The following ARFGEF1 variants were observed in gnomAD, a reference collection of about 807,000 sequenced individuals.
ARFGEF1 encodes the protein ARF guanine nucleotide exchange factor 1.
Under a neutral mutation model 231.0 loss-of-function variants are expected in ARFGEF1, and 42 were observed. The ratio of observed to expected loss-of-function variants is 0.18; its 90% confidence interval spans 0.14 to 0.24. ARFGEF1 has a LOEUF of 0.24. Ranked by LOEUF, ARFGEF1 falls within the 10% of genes least tolerant of loss-of-function variation. The pLI is 1.00. For synonymous variants in ARFGEF1, 710 were observed against 732.3 expected (o/e 0.97, Z 0.49); for missense variants, 1,345 against 2,192.0 (o/e 0.61, Z 7.72).
intron 33 of ARFGEF1, among the ~76,000 whole-genome samples, chr8:67,212,149 C>A (rs1838773509): frequency 6.6e-6 from 1 of 152,200 alleles, no homozygotes; most frequent in Non-Finnish European, 1.5e-5. Context: ...ATGGCGCGAT[C>A]TCGGCTCACC....
At chr8:67,207,411 A>G (rs1472848238) in intron 34 of ARFGEF1, among the ~76,000 whole-genome samples, 1 of 152,202 alleles carries the variant, frequency 6.6e-6, no homozygotes, top group Non-Finnish European at 1.5e-5. Context: ...CAGGGATGCC[A>G]AGCCTCTTCA....
chr8:67,228,095 A>G lies in ARFGEF1; in HGVS notation c.3459T>C (p.Asp1153=). Residue 1153 remains aspartate, a synonymous_variant, in exon 25 of 39, where the codon GAT becomes GAC. Coordinates refer to ENST00000262215, the MANE Select transcript of ARFGEF1 (RefSeq NM_006421.5). The part of the protein sequence containing the change: ...FVRWLCAVSM[D]ELLSTTHPRM... ...TTGGGTGTGTCGTGGAAAGTAATTC[A>G]TCCATAGACACAGCACAGAGCCAAC... 2 of 1,609,498 alleles carry G rather than the reference A, an allele frequency of 1.2e-6. No individual in the cohort carries two copies. Among genetic ancestry groups the G allele is most frequent in the Non-Finnish European group, 1.7e-6 (2 of 1,178,580 alleles).
At position 67,308,980 on chromosome 8, in the gene ARFGEF1, G is replaced by A. The variant is rs569497673; in HGVS notation, c.125-6514C>T. Among the ~76,000 whole-genome samples, 140 of 152,142 alleles carry A rather than the reference G, an allele frequency of 9.2e-4. 3 individuals are homozygous for A. The highest frequency in any genetic ancestry group is 8.9e-3 in the South Asian group (43 of 4,816). On this transcript the variant is annotated intron_variant, in intron 1 of 38. Transcript: ENST00000262215. ...TATTATTTATTACAGTCACAGTAGC[G>A]AAGATATGGAGGCAACCTAGGTGTC...
chr8:67,237,188 G>C (rs906100332), intron 22 of ARFGEF1, among the ~76,000 whole-genome samples: 2 of 152,180 alleles, frequency 1.3e-5, no homozygotes, highest in African/African-American at 4.8e-5. Context: ...AGTAATTACA[G>C]TTCTAATGTA....
downstream of ARFGEF1, chr8:67,195,736 G>GTATAT: frequency 1.6e-6 from 1 of 628,388 alleles, no homozygotes; most frequent in Non-Finnish European, 2.8e-6. Context: ...TTATCATGAT[G>GTATAT]TATATTATGT....
At chr8:67,302,388 TG>T in intron 2 of ARFGEF1, 47 bp downstream of exon 2, 1 of 1,490,340 alleles carries the variant, frequency 6.7e-7, no homozygotes, top group Non-Finnish European at 9.1e-7. Flanking sequence ...TGACCAAGAC[TG>T]ACAAGTTTGA....
rs1000891366 is a variant in ARFGEF1, at chr8:67,271,137, G to A, written c.1572+565C>T. Among the ~76,000 whole-genome samples, 4 of 148,006 alleles carry A rather than the reference G, an allele frequency of 2.7e-5. No homozygotes were observed. The South Asian group carries it at 6.4e-4, about 24-fold the overall frequency. ...CCTAATTTAGTTCTACTAAATCTCT[G>A]ACAATATTTTAGGACCACATGATTG... On this transcript the variant is annotated intron_variant, in intron 10 of 38. Transcript: ENST00000262215.
chr8:67,209,206 A>G (rs1444892158), intron 34 of ARFGEF1, among the ~76,000 whole-genome samples: 1 of 152,286 alleles, frequency 6.6e-6, no homozygotes. Flanking sequence ...ATCATCAGAC[A>G]AATGGATAAA....
At chr8:67,273,689 T>C (rs1317443952) in intron 9 of ARFGEF1, among the ~76,000 whole-genome samples, 3 of 152,094 alleles carry the variant, frequency 2.0e-5, no homozygotes, top group Admixed American at 6.6e-5. Context: ...AAGATGGCCA[T>C]TGTGCTGAGT....
At chr8:67,338,598 T>C (rs1808455214) in intron 1 of ARFGEF1, among the ~76,000 whole-genome samples, 2 of 152,204 alleles carry the variant, frequency 1.3e-5, no homozygotes, top group African/African-American at 4.8e-5. Flanking sequence ...TCAAAGAGCT[T>C]CTCTAAGAAC....
intron 18 of ARFGEF1, among the ~76,000 whole-genome samples, chr8:67,252,009 C>T (rs535713998): frequency 2.8e-4 from 43 of 152,236 alleles, no homozygotes; most frequent in African/African-American, 1.0e-3. Context: ...GTGGCTCATG[C>T]CTGTAATCCC....
At chr8:67,259,279 T>G (rs189341146) in intron 15 of ARFGEF1, among the ~76,000 whole-genome samples, 1 of 152,318 alleles carries the variant, frequency 6.6e-6, no homozygotes, top group Non-Finnish European at 1.5e-5. Context: ...CACGCTGGAG[T>G]GCAGTGGTGC....
At chr8:67,316,634 A>AT (rs1443596772) in intron 1 of ARFGEF1, among the ~76,000 whole-genome samples, 3 of 151,924 alleles carry the variant, frequency 2.0e-5, no homozygotes, top group South Asian at 2.1e-4. Flanking sequence ...TAATTTTTGT[A>AT]TTTTTTGTAG....
In ARFGEF1 at chr8:67,182,961, C is replaced by T. The variant is rs148910111; in HGVS notation, c.561-7389G>A. Among the ~76,000 whole-genome samples, 13 of 152,274 alleles carry T rather than the reference C, an allele frequency of 8.5e-5. No individual in the cohort carries two copies. In the South Asian group the frequency reaches 2.7e-3, roughly 32 times the overall value. On this transcript the variant is annotated intron_variant, in intron 5 of 5. Transcript: ENST00000518789. ...ACTGTGTTGATTGTGTCCTTTGATA[C>T]ATAGGAGCTTTTAATTTTGATACAG...
At chr8:67,294,046 T>C (rs558796531) in intron 5 of ARFGEF1, among the ~76,000 whole-genome samples, 1 of 152,244 alleles carries the variant, frequency 6.6e-6, no homozygotes, top group Admixed American at 6.5e-5. Flanking sequence ...GCTGTGTCTG[T>C]ACTGAACAAA....
intron 1 of ARFGEF1, 76 bp downstream of exon 1, chr8:67,343,088 A>ACCCCCCCCCCCCCCCCGGGGGCCCCCCCC: frequency 2.5e-6 from 1 of 399,152 alleles, no homozygotes. Context: ...GCCCCGGGCG[A>ACCCCCCCCCCCCCCCCGGGGGCCCCCCCC]CCCCACCCCC....
intron 38 of ARFGEF1, chr8:67,200,175 C>T (rs1838275984): frequency 1.7e-6 from 1 of 586,344 alleles, no homozygotes; most frequent in African/African-American, 1.8e-5. Flanking sequence ...ACTGAATCCC[C>T]TAGAGAACTG....
At chr8:67,314,438 G>A (rs1313611646) in intron 1 of ARFGEF1, among the ~76,000 whole-genome samples, 2 of 152,102 alleles carry the variant, frequency 1.3e-5, no homozygotes, top group Admixed American at 6.6e-5. Flanking sequence ...AAGCTCCCAG[G>A]GCCTTTCTGC....
At chr8:67,194,990 G>T (rs887724357), downstream of ARFGEF1, among the ~76,000 whole-genome samples, 2 of 151,974 alleles carry the variant, frequency 1.3e-5, no homozygotes, top group African/African-American at 4.8e-5. Flanking sequence ...AAAATAAAAA[G>T]AAAAAAGAAA....
Sources: gnomAD v4.1 joint callset for allele counts (sites outside exome capture counted in the v4.1 genomes callset) on GRCh38, gnomAD v4.1.1 for gene constraint, MANE v1.5 for transcripts, NCBI Gene and HGNC (gene_info 2026-07-23, HGNC 2026-07-21) for gene names.